The following SREBF2 variants were observed in gnomAD, a reference collection of about 807,000 sequenced individuals.
SREBF2 encodes sterol regulatory element-binding protein 2.
Under a neutral mutation model 113.1 loss-of-function variants are expected in SREBF2, and 55 were observed. The observed-to-expected ratio is 0.49, with a 90% CI of 0.39 to 0.61. The LOEUF is 0.61. Among genes scored for constraint, SREBF2 ranks in the 20% least tolerant of loss-of-function variants. SREBF2 has a pLI of 0.00. For synonymous variants in SREBF2, 593 were observed against 605.7 expected (o/e 0.98, Z 0.31); for missense variants, 1,349 against 1,487.4 (o/e 0.91, Z 1.53).
chr22:41,866,389 A>C (rs2077074859), intron 1 of SREBF2, among the ~76,000 whole-genome samples: 1 of 152,100 alleles, frequency 6.6e-6, no homozygotes, highest in South Asian at 2.1e-4. Context: ...GTCTCTACTA[A>C]AATTACAAAA....
chr22:41,902,345 A>G (rs1403316504), intron 16 of SREBF2, among the ~76,000 whole-genome samples: 1 of 152,212 alleles, frequency 6.6e-6, no homozygotes, highest in Non-Finnish European at 1.5e-5. Flanking sequence ...CAGCCCTGTG[A>G]TGGTGCCATT....
At chr22:41,889,327 A>G (rs2077332991) in intron 11 of SREBF2, among the ~76,000 whole-genome samples, 1 of 151,890 alleles carries the variant, frequency 6.6e-6, no homozygotes, top group African/African-American at 2.4e-5. Flanking sequence ...GGGTTTTGCT[A>G]TGTTGCTCAG....
chr22:41,845,991 G>T (rs901606583), intron 1 of SREBF2, among the ~76,000 whole-genome samples: 2 of 152,208 alleles, frequency 1.3e-5, no homozygotes, highest in African/African-American at 4.8e-5. Flanking sequence ...AGGGGTGGAA[G>T]GAGAGAGCAG....
chr22:41,872,642 G>T (rs937694026), intron 4 of SREBF2, among the ~76,000 whole-genome samples: 2 of 152,142 alleles, frequency 1.3e-5, no homozygotes, highest in Non-Finnish European at 2.9e-5. Flanking sequence ...TGTATTCCCA[G>T]CATTTTGGGA....
chr22:41,894,270 C>T (rs2077390671), intron 12 of SREBF2, among the ~76,000 whole-genome samples: 1 of 152,076 alleles, frequency 6.6e-6, no homozygotes, highest in Non-Finnish European at 1.5e-5. Flanking sequence ...TGATTTGAGG[C>T]CTGCCAGTAA....
intron 1 of SREBF2, among the ~76,000 whole-genome samples, chr22:41,836,270 C>T (rs370176144): frequency 6.6e-6 from 1 of 152,246 alleles, no homozygotes; most frequent in East Asian, 1.9e-4. Context: ...GCTGTGGTTT[C>T]TGAGCTGTAA....
At chr22:41,837,666 C>T (rs1180784146) in intron 1 of SREBF2, among the ~76,000 whole-genome samples, 1 of 151,394 alleles carries the variant, frequency 6.6e-6, no homozygotes, top group Non-Finnish European at 1.5e-5. Context: ...TGAGACCAGC[C>T]TGACCAACAT....
chr22:41,887,021 A>G (rs1339818925), intron 11 of SREBF2, among the ~76,000 whole-genome samples: 1 of 151,926 alleles, frequency 6.6e-6, no homozygotes, highest in Non-Finnish European at 1.5e-5. Flanking sequence ...GCAACAGAGC[A>G]AGACTCCATC....
At chr22:41,868,543 T>G in intron 2 of SREBF2, 68 bp from the exon 3 acceptor site, 1 of 1,559,948 alleles carries the variant, frequency 6.4e-7, no homozygotes, top group South Asian at 1.1e-5. Flanking sequence ...ATCCTCAGGT[T>G]TCTGCTGCAG....
chr22:41,846,357 C>G (rs2076876730), intron 1 of SREBF2, among the ~76,000 whole-genome samples: 1 of 152,168 alleles, frequency 6.6e-6, no homozygotes, highest in Non-Finnish European at 1.5e-5. Flanking sequence ...CTCTGCTTTC[C>G]TGGGTCATTC....
intron 1 of SREBF2, among the ~76,000 whole-genome samples, chr22:41,865,784 G>T (rs2077069352): frequency 6.6e-6 from 1 of 152,216 alleles, no homozygotes; most frequent in Non-Finnish European, 1.5e-5. Flanking sequence ...CAACATACCT[G>T]CACTGTGTTG....
rs532046785 is a variant in SREBF2, at chr22:41,871,065, C to T, written c.867+30C>T. On this transcript the variant is annotated intron_variant, in intron 4 of 18. Coordinates refer to ENST00000361204, the MANE Select transcript of SREBF2 (RefSeq NM_004599.4). ...GAGCTGCCTTCTCCCCCACCCTCCTCCCTCCCCCTTTATTCCTGGAGGTGT... is the reference window on the plus strand; with the variant it reads ...GAGCTGCCTTCTCCCCCACCCTCCTTCCTCCCCCTTTATTCCTGGAGGTGT... 5.1e-4 allele frequency: 816 copies of T among 1,613,518 alleles called. 15 individuals are homozygous for T. In the South Asian group the frequency reaches 8.5e-3, roughly 17 times the overall value.
At position 41,904,874 on chromosome 22, in the gene SREBF2, T is replaced by C. The variant is rs80119854; in HGVS notation, c.3105T>C (p.His1035=). The change falls in exon 18 of 19, where the codon CAT becomes CAC. Residue 1035 remains histidine (H), a synonymous_variant. Coordinates refer to ENST00000361204, the MANE Select transcript of SREBF2 (RefSeq NM_004599.4). Reference sequence around the variant, plus strand: ...CGGCACCTCCCCAGGTGTTCCTGCATGAAGCCACCGTGCGCCTGATGGCAG... The same window carrying C: ...CGGCACCTCCCCAGGTGTTCCTGCACGAAGCCACCGTGCGCCTGATGGCAG... The part of the protein sequence containing the change: ...FRPAYRKVFL[H]EATVRLMAGA... The C allele has an allele frequency of 3.1e-3, 5,031 of 1,597,908 alleles. 15 individuals carry two copies. Among genetic ancestry groups the C allele is most frequent in the Non-Finnish European group, 3.7e-3 (4,323 of 1,174,590 alleles).
chr22:41,848,246 C>G (rs2076896177), intron 1 of SREBF2, among the ~76,000 whole-genome samples: 1 of 152,048 alleles, frequency 6.6e-6, no homozygotes, highest in Non-Finnish European at 1.5e-5. Flanking sequence ...TGCTATCCCT[C>G]CCTCCTCCCC....
At chr22:41,901,729 A>T (rs191236301) in intron 16 of SREBF2, among the ~76,000 whole-genome samples, 14 of 152,284 alleles carry the variant, frequency 9.2e-5, no homozygotes, top group Middle Eastern at 6.8e-3. Context: ...GGTGAGCCAC[A>T]TTTCACCTTC....
rs375812398 is a variant in SREBF2 at position 41,867,030 on chromosome 22, A to G, written c.288A>G (p.Thr96=). 3 of 1,614,034 alleles carry G rather than the reference A, an allele frequency of 1.9e-6. No individual in the cohort carries two copies. In the African/African-American group the frequency reaches 4.0e-5, roughly 22 times the overall value. ...TGCAACGGTCATTCACCCAGGTCAC[A>G]TTACCTTCCTTCTCTCCCTCGGCGG... The part of the protein sequence containing the change: ...PSVQRSFTQV[T]LPSFSPSAAS... Residue 96 remains threonine (T), a synonymous_variant, in exon 2 of 19, where the codon ACA becomes ACG. Coordinates refer to ENST00000361204, the MANE Select transcript of SREBF2 (RefSeq NM_004599.4).
At chr22:41,875,247 C>A in intron 5 of SREBF2, 90 bp from the exon 6 acceptor site, 4 of 1,072,472 alleles carry the variant, frequency 3.7e-6, no homozygotes, top group Non-Finnish European at 5.7e-6. Context: ...CTCACAGAGC[C>A]ATGCTGTCAT....
intron 1 of SREBF2, among the ~76,000 whole-genome samples, chr22:41,837,025 G>T (rs555921356): frequency 6.6e-6 from 1 of 152,122 alleles, no homozygotes; most frequent in Non-Finnish European, 1.5e-5. Context: ...TAACTTGAGC[G>T]CGACAGATCA....
intron 13 of SREBF2, among the ~76,000 whole-genome samples, chr22:41,896,662 A>G (rs2077419145): frequency 6.6e-6 from 1 of 152,132 alleles, no homozygotes; most frequent in African/African-American, 2.4e-5. Flanking sequence ...CCCGGCCCCA[A>G]AGTCACTTTC....
Sources: allele counts gnomAD v4.1 joint callset (sites outside exome capture counted in the v4.1 genomes callset), GRCh38; gene constraint gnomAD v4.1.1; transcripts MANE v1.5; gene names NCBI Gene and HGNC (gene_info 2026-07-23, HGNC 2026-07-21).